The following GABRG3 variants were observed in gnomAD, a reference collection of about 807,000 sequenced individuals.
GABRG3 encodes gamma-aminobutyric acid type A receptor subunit gamma3.
GABRG3 carries 25 observed loss-of-function variants against 48.8 expected under a neutral mutation model. The ratio of observed to expected loss-of-function variants is 0.51; its 90% CI spans 0.37 to 0.72. The LOEUF is 0.72. Ranked by LOEUF, GABRG3 falls within the 30% of genes least tolerant of loss-of-function variation. The pLI is 0.00. For synonymous variants in GABRG3, 227 were observed against 217.6 expected, an observed-to-expected ratio of 1.04 and a Z score of -0.38; for missense variants, 394 against 577.9, an observed-to-expected ratio of 0.68 and a Z score of 3.26.
chr15:26,988,732 C>T (rs1895195087), intron 2 of GABRG3, among the ~76,000 whole-genome samples: 1 of 151,454 alleles, frequency 6.6e-6, no homozygotes, highest in Admixed American at 6.6e-5. Context: ...TTATGATTGT[C>T]TTCCTTTATT....
At chr15:27,269,137 G>C (rs553122567) in intron 3 of GABRG3, among the ~76,000 whole-genome samples, 11 of 152,098 alleles carry the variant, frequency 7.2e-5, no homozygotes, top group Non-Finnish European at 1.6e-4. Flanking sequence ...CCTCTCAGCT[G>C]GACTACTGCA....
intron 3 of GABRG3, among the ~76,000 whole-genome samples, chr15:27,030,091 T>A (rs1223702145): frequency 1.3e-5 from 2 of 152,094 alleles, no homozygotes; most frequent in African/African-American, 4.8e-5. Flanking sequence ...TAAAAAAGGA[T>A]ATAAGAAAGA....
At position 27,144,726 on chromosome 15, in the gene GABRG3, G is replaced by T. The variant is rs937303463; in HGVS notation, c.270+117905G>T. Among the ~76,000 whole-genome samples, 3 of 152,196 alleles carry T rather than the reference G, an allele frequency of 2.0e-5. 1 individual carries two copies. The highest frequency in any genetic ancestry group is 7.2e-5 in the African/African-American group (3 of 41,460). ...GCATACCCAGAAAATACCTAAGAAGGCCCTGTGCTCTCACTTATGACTGAC... is the reference window on the plus strand; with the variant it reads ...GCATACCCAGAAAATACCTAAGAAGTCCCTGTGCTCTCACTTATGACTGAC... On this transcript the variant is annotated intron_variant, in intron 3 of 9. Coordinates refer to ENST00000615808, the MANE Select transcript of GABRG3 (RefSeq NM_033223.5).
chr15:27,005,998 A>G (rs889510433), intron 2 of GABRG3, among the ~76,000 whole-genome samples: 4 of 152,338 alleles, frequency 2.6e-5, no homozygotes, highest in East Asian at 1.9e-4. Context: ...TACCAGTTCT[A>G]GGCAAAGCTT....
chr15:27,436,368 G>T (rs140054637), intron 5 of GABRG3, among the ~76,000 whole-genome samples: 1 of 152,160 alleles, frequency 6.6e-6, no homozygotes, highest in South Asian at 2.1e-4. Context: ...CTGGGAATTC[G>T]GATTTGAGCA....
At position 27,112,601 on chromosome 15, in the gene GABRG3, C is replaced by T. The variant is rs559186888; in HGVS notation, c.270+85780C>T. 1.9e-4 allele frequency among the ~76,000 whole-genome samples: 29 copies of T among 151,894 alleles called. No homozygotes were observed. The East Asian group carries it at 3.3e-3, about 17-fold the overall frequency. Reference sequence around the variant, plus strand: ...GACTACTGGTGCCCCCCACCACAGCCGCTAATTTTTGTATTTTTAGTGGAG... The same window carrying T: ...GACTACTGGTGCCCCCCACCACAGCTGCTAATTTTTGTATTTTTAGTGGAG... On this transcript the variant is annotated intron_variant, in intron 3 of 9. Coordinates refer to ENST00000615808, the MANE Select transcript of GABRG3 (RefSeq NM_033223.5).
intron 3 of GABRG3, among the ~76,000 whole-genome samples, chr15:27,161,496 T>A (rs535024339): frequency 6.6e-6 from 1 of 152,164 alleles, no homozygotes; most frequent in East Asian, 1.9e-4. Context: ...TTAATGATGC[T>A]TTTTGATGAA....
intron 3 of GABRG3, among the ~76,000 whole-genome samples, chr15:27,291,626 G>A (rs1001844728): frequency 9.2e-5 from 14 of 152,216 alleles, no homozygotes; most frequent in African/African-American, 3.1e-4. Flanking sequence ...AATGAAAACA[G>A]TTTAAAGAAA....
At chr15:27,459,797 T>C (rs757386879) in intron 5 of GABRG3, among the ~76,000 whole-genome samples, 2 of 152,240 alleles carry the variant, frequency 1.3e-5, no homozygotes, top group Non-Finnish European at 2.9e-5. Context: ...TACCTCAGAC[T>C]GATATACATT....
rs1013825008 is a variant in GABRG3, at chr15:27,020,513, G to A, written c.203-6241G>A. 5.7e-4 allele frequency among the ~76,000 whole-genome samples: 87 copies of A among 152,094 alleles called. 1 individual carries two copies. The highest frequency in any genetic ancestry group is 9.2e-4 in the Admixed American group (14 of 15,266). ...TGCAAGCTCCGCCTCCTGGGTTCAC[G>A]CCATTCTCCTGCCTCAGCCTCCTGA... On this transcript the variant is annotated intron_variant, in intron 2 of 9. Transcript: ENST00000615808.
At position 27,352,107 on chromosome 15, in the gene GABRG3, G is replaced by A. The variant is rs1168059181; in HGVS notation, c.574+23219G>A. The stretch of plus-strand genomic sequence containing the variant: ...GCATGTGTGTGTATGATGTGTGTAT[G>A]TATGGTGTGTGTGTATGTATGATGT... On this transcript the variant is annotated intron_variant, in intron 5 of 9. Transcript: ENST00000615808. This position sits in a 1 kb window ranked among gnomAD's most constrained non-coding sequence, Gnocchi z 4.0. Among the ~76,000 whole-genome samples, 24 of 150,468 alleles carry A rather than the reference G, an allele frequency of 1.6e-4. No homozygotes were observed. Among genetic ancestry groups the A allele is most frequent in the Non-Finnish European group, 3.3e-4 (22 of 67,554 alleles).
At chr15:27,258,977 C>A (rs1179422111) in intron 3 of GABRG3, among the ~76,000 whole-genome samples, 1 of 151,918 alleles carries the variant, frequency 6.6e-6, no homozygotes, top group East Asian at 1.9e-4. Context: ...CTTTTAGCCT[C>A]CACATTTACA....
chr15:27,233,345 T>G (rs1366661120), intron 3 of GABRG3, among the ~76,000 whole-genome samples: 2 of 151,922 alleles, frequency 1.3e-5, no homozygotes, highest in East Asian at 3.9e-4. Context: ...CAGCTCAGGA[T>G]GCTCTAACAG....
chr15:27,337,458 A>T (rs568261495), intron 5 of GABRG3, among the ~76,000 whole-genome samples: 3 of 152,238 alleles, frequency 2.0e-5, no homozygotes, highest in Non-Finnish European at 4.4e-5. Flanking sequence ...AGATATTTTT[A>T]TGCTAAGTCG....
intron 3 of GABRG3, among the ~76,000 whole-genome samples, chr15:27,219,033 C>T (rs1357372551): frequency 2.0e-5 from 3 of 152,328 alleles, no homozygotes; most frequent in African/African-American, 7.2e-5. Context: ...CCACCAATCT[C>T]CCAATGGAAC....
chr15:27,328,146 C>T (rs1305688681), intron 4 of GABRG3, among the ~76,000 whole-genome samples: 2 of 150,816 alleles, frequency 1.3e-5, no homozygotes, highest in African/African-American at 4.9e-5. Flanking sequence ...AAAAAACACG[C>T]CACAGCTGGG....
intron 5 of GABRG3, among the ~76,000 whole-genome samples, chr15:27,347,686 A>G (rs1894421810): frequency 6.6e-6 from 1 of 152,204 alleles, no homozygotes; most frequent in Non-Finnish European, 1.5e-5. Context: ...TCCTGGAGGA[A>G]AAGCTCAGGA....
intron 2 of GABRG3, among the ~76,000 whole-genome samples, chr15:27,010,474 G>C (rs1895664854): frequency 6.6e-6 from 1 of 152,132 alleles, no homozygotes; most frequent in South Asian, 2.1e-4. Flanking sequence ...AATAGCCCCA[G>C]GCATTCCTAA....
rs1410673102 is a variant in GABRG3 at position 27,236,012 on chromosome 15, G to T, written c.271-90797G>T. On this transcript the variant is annotated intron_variant, in intron 3 of 9. Transcript: ENST00000615808. The surrounding 1 kb of genome is among the most constrained non-coding windows in gnomAD (Gnocchi z 4.4). ...TCTCTACAAAAGATCACTTTGCAGA[G>T]CTTCTTCTGAGTCTGCAGTTGCTCA... Among the ~76,000 whole-genome samples, 2 of 152,168 alleles carry T rather than the reference G, an allele frequency of 1.3e-5. No individual in the cohort carries two copies. The highest frequency in any genetic ancestry group is 2.9e-5 in the Non-Finnish European group (2 of 68,022).
Sources: gnomAD v4.1 joint callset for allele counts (sites outside exome capture counted in the v4.1 genomes callset) on GRCh38, gnomAD v4.1.1 for gene constraint, Gnocchi (gnomAD v3.1) non-coding constraint, MANE v1.5 for transcripts, NCBI Gene and HGNC (gene_info 2026-07-23, HGNC 2026-07-21) for gene names.